The following STX11 variants were observed in gnomAD, a reference collection of about 807,000 sequenced individuals.
STX11 encodes syntaxin-11.
STX11 carries 21 observed loss-of-function variants against 19.9 expected under a neutral mutation model. That is an observed-to-expected ratio of 1.06 (90% CI 0.75 to 1.52). The LOEUF is 1.52. STX11 is among the 40% of genes most tolerant of loss of function. The pLI, the probability that STX11 is intolerant of heterozygous loss-of-function variation, is 0.00. For missense variants in STX11, 438 were observed against 405.9 expected (o/e 1.08, Z -0.68); for synonymous variants, 193 against 174.4 (o/e 1.11, Z -0.84).
At position 144,174,351 on chromosome 6, in the gene STX11, G is replaced by T. The variant is rs566275629; in HGVS notation, c.-5-12272G>T. ...TGATCAGAGAAGCTGCAAAGAATTT[G>T]TAGTAAGAAGATTTTTATTTTTATT... is the stretch of plus-strand genomic sequence containing the variant. On this transcript the variant is annotated intron_variant, in intron 1 of 1. Coordinates refer to ENST00000367568, the MANE Select transcript of STX11 (RefSeq NM_003764.4). The surrounding 1 kb of genome is among the most constrained non-coding windows in gnomAD (Gnocchi z 5.3). Among the ~76,000 whole-genome samples the T allele has an allele frequency of 6.6e-6, 1 of 152,154 alleles. No homozygotes were observed. The highest frequency in any genetic ancestry group is 1.9e-4 in the East Asian group (1 of 5,200).
upstream of STX11, among the ~76,000 whole-genome samples, chr6:144,149,318 C>G (rs1465313762): frequency 6.6e-6 from 1 of 151,158 alleles, no homozygotes; most frequent in Non-Finnish European, 1.5e-5. The surrounding 1 kb of genome is among the most constrained non-coding windows in gnomAD (Gnocchi z 5.1). Context: ...TCAGTGTAGA[C>G]TCATGGATTT....
chr6:144,178,632 A>G (rs1801830946), intron 1 of STX11, among the ~76,000 whole-genome samples: 1 of 152,248 alleles, frequency 6.6e-6, no homozygotes, highest in Non-Finnish European at 1.5e-5. Context: ...CTCCTCCAGC[A>G]GTGGTTTGAA....
chr6:144,162,877 T>C lies in STX11; in HGVS notation c.-6+12174T>C, dbSNP rs1178668108. Among the ~76,000 whole-genome samples the C allele has an allele frequency of 6.6e-6, 1 of 152,232 alleles. No homozygotes were observed. Among genetic ancestry groups the C allele is most frequent in the East Asian group, 1.9e-4 (1 of 5,196 alleles). ...ATGTTTACCAACATGAGTGACAACATAAGTATTATCTAAGAAAATACCTGC... is the reference window on the plus strand; with the variant it reads ...ATGTTTACCAACATGAGTGACAACACAAGTATTATCTAAGAAAATACCTGC... On this transcript the variant is annotated intron_variant, in intron 1 of 1. Coordinates refer to ENST00000367568, the MANE Select transcript of STX11 (RefSeq NM_003764.4). The surrounding 1 kb of genome is among the most constrained non-coding windows in gnomAD (Gnocchi z 4.6).
At position 144,182,369 on chromosome 6, in the gene STX11, C is replaced by T. The variant is rs56365120; in HGVS notation, c.-5-4254C>T. ...GTGGAGACAACTCATCCAAGGCTGGCTGAGCCAAGAGAGGTGGGCAGGAAG... is the reference window on the plus strand; with the variant it reads ...GTGGAGACAACTCATCCAAGGCTGGTTGAGCCAAGAGAGGTGGGCAGGAAG... On this transcript the variant is annotated intron_variant, in intron 1 of 1. Transcript: ENST00000367568. The surrounding 1 kb of genome is among the most constrained non-coding windows in gnomAD (Gnocchi z 4.8). 1.3e-5 allele frequency among the ~76,000 whole-genome samples: 2 copies of T among 152,152 alleles called. No individual in the cohort carries two copies. The highest frequency in any genetic ancestry group is 2.9e-5 in the Non-Finnish European group (2 of 67,998).
chr6:144,143,650 G>A, the STX11 span, among the ~76,000 whole-genome samples: 3 of 152,094 alleles, frequency 2.0e-5, no homozygotes, highest in Non-Finnish European at 4.4e-5. Flanking sequence ...CCTATTTGCA[G>A]GAAAGCTATG....
chr6:144,185,483 T>G (rs1159706151), intron 1 of STX11, among the ~76,000 whole-genome samples: 1 of 152,216 alleles, frequency 6.6e-6, no homozygotes, highest in Non-Finnish European at 1.5e-5. Flanking sequence ...ATGAAAGTTT[T>G]TCACTTCACT....
rs985326132 is a variant in STX11, at chr6:144,177,384, A to G, written c.-5-9239A>G. Among the ~76,000 whole-genome samples, 2 of 152,242 alleles carry G rather than the reference A, an allele frequency of 1.3e-5. No homozygotes were observed. The highest frequency in any genetic ancestry group is 2.9e-5 in the Non-Finnish European group (2 of 68,048). On this transcript the variant is annotated intron_variant, in intron 1 of 1. Transcript: ENST00000367568. This position sits in a 1 kb window ranked among gnomAD's most constrained non-coding sequence, Gnocchi z 4.4. ...TAAATACTAATAGAGATACAAGTGGAAAAATTTGCACAGATGACTTGAGCC... is the reference window on the plus strand; with the variant it reads ...TAAATACTAATAGAGATACAAGTGGGAAAATTTGCACAGATGACTTGAGCC...
At chr6:144,164,292 G>T (rs1464165603) in intron 1 of STX11, among the ~76,000 whole-genome samples, 1 of 152,100 alleles carries the variant, frequency 6.6e-6, no homozygotes, top group Non-Finnish European at 1.5e-5. Context: ...CTATGCTGTT[G>T]TGTATATTTT....
chr6:144,158,315 G>A (rs1801231906), intron 1 of STX11, among the ~76,000 whole-genome samples: 1 of 152,186 alleles, frequency 6.6e-6, no homozygotes, highest in Admixed American at 6.5e-5. Flanking sequence ...CCAACAGACA[G>A]CACAGCCCAA....
Position 144,186,715 on chromosome 6 carries a change from C to G in STX11, c.88C>G (p.His30Asp). ...PDGDDEFDSP[H>D]EDIVFETDHI... ...CGGGGACGATGAGTTTGACTCGCCC[C>G]ACGAGGACATCGTGTTCGAGACGGA... The change falls in exon 2 of 2, where the codon CAC (histidine) becomes GAC (aspartate). Residue 30 changes from histidine (H) to aspartate (D), a missense_variant. Coordinates refer to ENST00000367568, the MANE Select transcript of STX11 (RefSeq NM_003764.4). 6.2e-7 allele frequency: 1 copy of G among 1,614,198 alleles called. No individual in the cohort carries two copies. The highest frequency in any genetic ancestry group is 2.2e-5 in the East Asian group (1 of 44,888).
rs187432786 is a variant in STX11 at position 144,170,356 on chromosome 6, G to A, written c.-5-16267G>A. ...TATTACCTTTTGTCTGTGTGTGTGC[G>A]TGGGAAGGGGAATCTGGACATGTGC... On this transcript the variant is annotated intron_variant, in intron 1 of 1. Coordinates refer to ENST00000367568, the MANE Select transcript of STX11 (RefSeq NM_003764.4). This position sits in a 1 kb window ranked among gnomAD's most constrained non-coding sequence, Gnocchi z 4.7. Among the ~76,000 whole-genome samples, 167 of 152,282 alleles carry A rather than the reference G, an allele frequency of 1.1e-3. No individual in the cohort carries two copies. The highest frequency in any genetic ancestry group is 3.1e-3 in the African/African-American group (129 of 41,556).
Position 144,191,234 on chromosome 6 carries a change from A to C in STX11, c.*3743A>C, listed in dbSNP as rs1802200807. ...ATTATAGGTGGTAACAACTCCAGAA[A>C]TGTCCTAACTAGGAAAGGTGCTCAT... On this transcript the variant is annotated 3_prime_UTR_variant, in exon 2 of 2. Transcript: ENST00000367568. Among the ~76,000 whole-genome samples the C allele has an allele frequency of 6.8e-6, 1 of 147,626 alleles. No individual in the cohort carries two copies. The highest frequency in any genetic ancestry group is 6.9e-5 in the Admixed American group (1 of 14,550).
the STX11 span, among the ~76,000 whole-genome samples, chr6:144,143,012 G>A: frequency 6.6e-6 from 1 of 152,104 alleles, no homozygotes; most frequent in Non-Finnish European, 1.5e-5. Flanking sequence ...AATATCATAT[G>A]TACCCCACAA....
At position 144,151,501 on chromosome 6, in the gene STX11, A is replaced by T. The variant is rs868071624; in HGVS notation, c.-6+798A>T. On this transcript the variant is annotated intron_variant, in intron 1 of 1. Transcript: ENST00000367568. This position sits in a 1 kb window ranked among gnomAD's most constrained non-coding sequence, Gnocchi z 4.6. Reference sequence around the variant, plus strand: ...GGCTTGCTTTAAAATGAGACTCTAGATGTGAAATGCCTGCCCTGCCAACCT... The same window carrying T: ...GGCTTGCTTTAAAATGAGACTCTAGTTGTGAAATGCCTGCCCTGCCAACCT... 1.1e-6 allele frequency: 1 copy of T among 919,472 alleles called. No homozygotes were observed. The allele number at this position is 919,472 out of a possible 1,614,324, so 57.0% of individuals were successfully genotyped here. A position where few individuals can be genotyped will look rare whatever the true frequency, so the allele number is the denominator to read the frequency against.
Position 144,179,135 on chromosome 6 carries a change from A to C in STX11, c.-5-7488A>C, listed in dbSNP as rs1434427228. ...TCACATCTTATGTGGATGGTGGCAG[A>C]CAAAAAGAGAATGAAGAGGATGCAA... On this transcript the variant is annotated intron_variant, in intron 1 of 1. Coordinates refer to ENST00000367568, the MANE Select transcript of STX11 (RefSeq NM_003764.4). 2.6e-5 allele frequency among the ~76,000 whole-genome samples: 4 copies of C among 152,202 alleles called. No homozygotes were observed. The East Asian group carries it at 7.7e-4, about 29-fold the overall frequency.
rs886750402 is a variant in STX11, at chr6:144,160,295, T to A, written c.-6+9592T>A. ...TGCTGGGATTACAGGAGTGAGCCAC[T>A]GTGCCTGGCCTTTTTAAAAATTATT... On this transcript the variant is annotated intron_variant, in intron 1 of 1. Transcript: ENST00000367568. This position sits in a 1 kb window ranked among gnomAD's most constrained non-coding sequence, Gnocchi z 4.3. Among the ~76,000 whole-genome samples, 2 of 152,218 alleles carry A rather than the reference T, an allele frequency of 1.3e-5. No individual in the cohort carries two copies. Among genetic ancestry groups the A allele is most frequent in the Non-Finnish European group, 2.9e-5 (2 of 68,040 alleles).
rs1271913217 is a variant in STX11 at position 144,151,781 on chromosome 6, T to C, written c.-6+1078T>C. On this transcript the variant is annotated intron_variant, in intron 1 of 1. Transcript: ENST00000367568. This position sits in a 1 kb window ranked among gnomAD's most constrained non-coding sequence, Gnocchi z 4.6. ...TAAAATCAAAATATTTCAGACAGTT[T>C]GTGTTTACTAAATTGGTGCTAAAAC... is the stretch of plus-strand genomic sequence containing the variant. Among the ~76,000 whole-genome samples, 2 of 152,216 alleles carry C rather than the reference T, an allele frequency of 1.3e-5. No individual in the cohort carries two copies. The highest frequency in any genetic ancestry group is 1.3e-4 in the Admixed American group (2 of 15,288).
rs905067713 is a variant in STX11 at position 144,154,596 on chromosome 6, G to A, written c.-6+3893G>A. On this transcript the variant is annotated intron_variant, in intron 1 of 1. Coordinates refer to ENST00000367568, the MANE Select transcript of STX11 (RefSeq NM_003764.4). The surrounding 1 kb of genome is among the most constrained non-coding windows in gnomAD (Gnocchi z 4.7). The stretch of plus-strand genomic sequence containing the variant: ...AGATTTTCCATAGGGAAGCAGAAAG[G>A]CTAGCAAGGGAGGCATTAATCTACA... Among the ~76,000 whole-genome samples the A allele has an allele frequency of 1.3e-5, 2 of 152,178 alleles. No homozygotes were observed. The highest frequency in any genetic ancestry group is 2.9e-5 in the Non-Finnish European group (2 of 68,034).
At position 144,160,514 on chromosome 6, in the gene STX11, G is replaced by A. The variant is rs147035996; in HGVS notation, c.-6+9811G>A. Among the ~76,000 whole-genome samples the A allele has an allele frequency of 1.3e-5, 2 of 152,156 alleles. No individual in the cohort carries two copies. The highest frequency in any genetic ancestry group is 2.9e-5 in the Non-Finnish European group (2 of 68,010). On this transcript the variant is annotated intron_variant, in intron 1 of 1. Transcript: ENST00000367568. This position sits in a 1 kb window ranked among gnomAD's most constrained non-coding sequence, Gnocchi z 4.3. ...CTTGGGTTGAAAAAGTACCAGATTC[G>A]TTCTCTAGTAAGAACCTATTTCTTG...
Sources: allele counts gnomAD v4.1 joint callset (sites outside exome capture counted in the v4.1 genomes callset), GRCh38; gene constraint gnomAD v4.1.1; non-coding constraint Gnocchi (gnomAD v3.1); transcripts MANE v1.5; gene names NCBI Gene and HGNC (gene_info 2026-07-23, HGNC 2026-07-21).